KCNT2: variants seen among roughly 807,000 people sequenced by gnomAD.
The protein encoded by KCNT2 is potassium sodium-activated channel subfamily T member 2, also known as potassium channel subfamily T member 2.
A neutral mutation model predicts 153.8 loss-of-function variants in KCNT2; 67 were observed. The ratio of observed to expected loss-of-function variants is 0.44; its 90% confidence interval spans 0.36 to 0.53. The LOEUF (loss-of-function observed/expected upper bound fraction) is 0.53. Ranked by LOEUF, KCNT2 falls within the 20% of genes least tolerant of loss-of-function variation. The pLI is 0.00. For synonymous variants in KCNT2, 500 were observed against 458.8 expected, an observed-to-expected ratio of 1.09 and a Z score of -1.15; for missense variants, 975 against 1,354.8, an observed-to-expected ratio of 0.72 and a Z score of 4.40.
chr1:196,279,696 G>A (rs553761), intron 25 of KCNT2, among the ~76,000 whole-genome samples: 36,339 of 151,164 alleles, frequency 0.24, 4,772 homozygotes, highest in Non-Finnish European at 0.28. Flanking sequence ...CCAAAGTGCT[G>A]GGATTACAGG....
chr1:196,328,743 C>G (rs1313139066), intron 18 of KCNT2, among the ~76,000 whole-genome samples: 1 of 151,804 alleles, frequency 6.6e-6, no homozygotes, highest in African/African-American at 2.4e-5. Flanking sequence ...TAAAAGGATT[C>G]TCCACCAATA....
intron 1 of KCNT2, among the ~76,000 whole-genome samples, chr1:196,586,326 C>A (rs1228012388): frequency 6.6e-6 from 1 of 152,094 alleles, no homozygotes; most frequent in Admixed American, 6.6e-5. Context: ...CCCTTCACTT[C>A]TTTTCTTGCT....
At chr1:196,478,865 C>G (rs980357259) in intron 5 of KCNT2, among the ~76,000 whole-genome samples, 1 of 152,018 alleles carries the variant, frequency 6.6e-6, no homozygotes, top group African/African-American at 2.4e-5. Context: ...TTTGCTTTCT[C>G]AATATTTTGT....
At chr1:196,363,801 C>T (rs756336207) in intron 14 of KCNT2, among the ~76,000 whole-genome samples, 4 of 152,138 alleles carry the variant, frequency 2.6e-5, no homozygotes, top group Non-Finnish European at 4.4e-5. Flanking sequence ...GTCGTAGCAA[C>T]ACAAATTTAC....
chr1:196,527,903 T>G (rs1654452764), intron 1 of KCNT2, among the ~76,000 whole-genome samples: 1 of 152,200 alleles, frequency 6.6e-6, no homozygotes, highest in East Asian at 1.9e-4. Flanking sequence ...CTTCTGCCAT[T>G]TTCCTTAATC....
rs192765111 is a variant in KCNT2 at position 196,546,879 on chromosome 1, A to G, written c.96-54538T>C. ...GGAACATTGATTGCAAAACTAACACATATTCTGGTAAAGGTACTAAACTGC... is the reference window on the plus strand; with the variant it reads ...GGAACATTGATTGCAAAACTAACACGTATTCTGGTAAAGGTACTAAACTGC... On this transcript the variant is annotated intron_variant, in intron 1 of 27. Coordinates refer to ENST00000294725, the MANE Select transcript of KCNT2 (RefSeq NM_198503.5). Among the ~76,000 whole-genome samples, 222 of 152,182 alleles carry G rather than the reference A, an allele frequency of 1.5e-3. 2 individuals are homozygous for G. Among genetic ancestry groups the G allele is most frequent in the African/African-American group, 5.0e-3 (208 of 41,560 alleles).
At chr1:196,379,888 T>A (rs973225337) in intron 13 of KCNT2, among the ~76,000 whole-genome samples, 1 of 152,048 alleles carries the variant, frequency 6.6e-6, no homozygotes, top group Non-Finnish European at 1.5e-5. Flanking sequence ...AGGAAAAAAA[T>A]AGAAAATGAG....
intron 1 of KCNT2, among the ~76,000 whole-genome samples, chr1:196,515,660 G>A (rs994471541): frequency 3.3e-5 from 5 of 152,138 alleles, no homozygotes; most frequent in African/African-American, 1.2e-4. Flanking sequence ...CTGACTAGAA[G>A]CAGCTACTGT....
intron 1 of KCNT2, among the ~76,000 whole-genome samples, chr1:196,549,560 T>C (rs941584872): frequency 6.6e-6 from 1 of 151,858 alleles, no homozygotes; most frequent in African/African-American, 2.4e-5. Context: ...AAAATTCTAG[T>C]AATATACAGA....
At chr1:196,398,756 G>T in intron 12 of KCNT2, 85 bp from the exon 13 acceptor site, 1 of 685,462 alleles carries the variant, frequency 1.5e-6, no homozygotes, top group South Asian at 2.1e-5. Context: ...AGTTTGCTTG[G>T]TCACATCCAT....
chr1:196,433,894 A>G (rs1325453500), intron 8 of KCNT2, among the ~76,000 whole-genome samples: 1 of 152,084 alleles, frequency 6.6e-6, no homozygotes, highest in Non-Finnish European at 1.5e-5. Context: ...ATCAAGAGAC[A>G]GAAGAGAGAA....
chr1:196,599,554 C>T (rs533492452), intron 1 of KCNT2, among the ~76,000 whole-genome samples: 71 of 152,302 alleles, frequency 4.7e-4, no homozygotes, highest in Admixed American at 4.6e-3. Context: ...ATGATTCTCA[C>T]CCTTTAAAGC....
intron 2 of KCNT2, among the ~76,000 whole-genome samples, chr1:196,491,179 G>A (rs1211061143): frequency 2.0e-4 from 31 of 151,948 alleles, no homozygotes; most frequent in Admixed American, 2.0e-3. Context: ...AGATAGGACT[G>A]TTAGTACTGA....
intron 1 of KCNT2, among the ~76,000 whole-genome samples, chr1:196,575,084 G>C (rs183184305): frequency 6.6e-5 from 10 of 152,184 alleles, no homozygotes; most frequent in Admixed American, 6.5e-4. Flanking sequence ...TTTTAGAAGT[G>C]AAAGTTTGCC....
intron 1 of KCNT2, among the ~76,000 whole-genome samples, chr1:196,577,941 A>C (rs1176175945): frequency 6.6e-6 from 1 of 152,214 alleles, no homozygotes; most frequent in Non-Finnish European, 1.5e-5. Flanking sequence ...CTAACATTTT[A>C]AACTCTTTCT....
At chr1:196,415,529 A>T (rs999737241) in intron 12 of KCNT2, among the ~76,000 whole-genome samples, 10 of 150,962 alleles carry the variant, frequency 6.6e-5, no homozygotes, top group African/African-American at 2.4e-4. Context: ...TATATATATA[A>T]ATAAATGGTT....
intron 21 of KCNT2, among the ~76,000 whole-genome samples, chr1:196,312,986 T>C (rs1338097529): frequency 6.6e-6 from 1 of 151,490 alleles, no homozygotes; most frequent in African/African-American, 2.4e-5. Context: ...GTAGAGAACC[T>C]AAAAGGAGAG....
chr1:196,462,135 T>C (rs1345814454), intron 8 of KCNT2, among the ~76,000 whole-genome samples: 1 of 151,686 alleles, frequency 6.6e-6, no homozygotes, highest in African/African-American at 2.4e-5. Flanking sequence ...TTCTCAATAG[T>C]CCAAAAAATA....
chr1:196,507,232 T>G (rs574362562), intron 1 of KCNT2, among the ~76,000 whole-genome samples: 1 of 152,150 alleles, frequency 6.6e-6, no homozygotes, highest in African/African-American at 2.4e-5. Context: ...GATAATGATA[T>G]AGTTAAAATT....
Sources: gnomAD v4.1 joint callset for allele counts (sites outside exome capture counted in the v4.1 genomes callset) on GRCh38, gnomAD v4.1.1 for gene constraint, MANE v1.5 for transcripts, NCBI Gene and HGNC (gene_info 2026-07-23, HGNC 2026-07-21) for gene names.